Variants in DAP3 observed in about 807,000 individuals in gnomAD.
DAP3 encodes the protein small ribosomal subunit protein mS29.
Under a neutral mutation model 51.9 loss-of-function variants are expected in DAP3, and 28 were observed. That is an observed-to-expected ratio of 0.54 (90% confidence interval 0.40 to 0.74). DAP3 has a LOEUF of 0.74. Among genes scored for constraint, DAP3 ranks in the 30% least tolerant of loss-of-function variants. The probability of loss-of-function intolerance (pLI) is 0.00; values close to 1 mark genes in which losing one functional copy is unlikely to be tolerated. For synonymous variants in DAP3, 170 were observed against 170.3 expected (o/e 1.00, Z 0.01); for missense variants, 458 against 483.5 (o/e 0.95, Z 0.49).
chr1:155,707,210 G>A (rs1424479579), intron 1 of DAP3, among the ~76,000 whole-genome samples: 2 of 152,166 alleles, frequency 1.3e-5, no homozygotes, highest in East Asian at 1.9e-4. Context: ...TCAGGAGATC[G>A]AGACCATCCT....
intron 12 of DAP3, among the ~76,000 whole-genome samples, chr1:155,737,642 G>A (rs1362381799): frequency 1.3e-5 from 2 of 152,006 alleles, no homozygotes; most frequent in African/African-American, 2.4e-5. Flanking sequence ...AATAGTAATC[G>A]GAGGCCTGGT....
At chr1:155,732,540 CTTT>C (rs976800307) in intron 11 of DAP3, among the ~76,000 whole-genome samples, 1 of 152,026 alleles carries the variant, frequency 6.6e-6, no homozygotes, top group Non-Finnish European at 1.5e-5. Context: ...CTTGATGCTT[CTTT>C]GTCTCCAAAT....
At chr1:155,701,734 A>G (rs1406777689) in intron 1 of DAP3, among the ~76,000 whole-genome samples, 1 of 151,740 alleles carries the variant, frequency 6.6e-6, no homozygotes, top group Non-Finnish European at 1.5e-5. Context: ...GACAGGGCTC[A>G]GGGCAAGGGG....
intron 1 of DAP3, among the ~76,000 whole-genome samples, chr1:155,705,530 G>A (rs1199768954): frequency 6.7e-6 from 1 of 148,708 alleles, no homozygotes; most frequent in Non-Finnish European, 1.5e-5. Context: ...TTGAACCCAA[G>A]AGTTTGAGGC....
chr1:155,731,612 C>A (rs986283288), intron 10 of DAP3, 197 bp downstream of exon 10: 3 of 581,736 alleles, frequency 5.2e-6, no homozygotes, highest in East Asian at 6.2e-5. Flanking sequence ...GGTTTATAAT[C>A]TTTCCAAAGT....
At chr1:155,728,854 T>A (rs7546258) in intron 7 of DAP3, among the ~76,000 whole-genome samples, 188 bp from the exon 8 acceptor site, 42,630 of 141,064 alleles carry the variant, frequency 0.3, 6,719 homozygotes, top group East Asian at 0.69. Flanking sequence ...AGAAAGAAGC[T>A]GTCTCAAAAA....
intron 1 of DAP3, among the ~76,000 whole-genome samples, chr1:155,708,124 T>G (rs1207128447): frequency 1.3e-5 from 2 of 152,362 alleles, no homozygotes; most frequent in Admixed American, 6.5e-5. Context: ...CTCGGCTCAC[T>G]GCAACCTCTG....
At chr1:155,718,628 G>A (rs1459900087) in intron 3 of DAP3, among the ~76,000 whole-genome samples, 3 of 151,680 alleles carry the variant, frequency 2.0e-5, no homozygotes, top group African/African-American at 7.3e-5. Flanking sequence ...GGAGCTTGCA[G>A]TGAGCTGAGA....
At chr1:155,726,780 G>C (rs1373815957) in intron 6 of DAP3, 1 of 123,570 alleles carries the variant, frequency 8.1e-6, no homozygotes, top group Non-Finnish European at 1.6e-5. Flanking sequence ...GCAAGACCCT[G>C]TCTCAAAAAA....
chr1:155,688,744 A>T, upstream of DAP3: 1 of 1,489,244 alleles, frequency 6.7e-7, no homozygotes, highest in Non-Finnish European at 8.9e-7. Flanking sequence ...AACCGCCGCC[A>T]AAGCAGCCGC....
intron 4 of DAP3, 125 bp downstream of exon 4, chr1:155,721,743 G>T (rs1020300128): frequency 3.4e-6 from 3 of 872,734 alleles, no homozygotes; most frequent in African/African-American, 1.7e-5. Context: ...AGAAATTCAT[G>T]TGTTGATTAC....
At chr1:155,688,953 G>C, upstream of DAP3, 1 of 1,611,270 alleles carries the variant, frequency 6.2e-7, no homozygotes, top group Non-Finnish European at 8.5e-7. Context: ...TCGCCGCGGC[G>C]CTGCGGCTCG....
chr1:155,706,274 G>A (rs901342315), intron 1 of DAP3, among the ~76,000 whole-genome samples: 13 of 152,126 alleles, frequency 8.5e-5, no homozygotes, highest in Non-Finnish European at 1.9e-4. Context: ...CCAAAGGGCC[G>A]ATATTACAGG....
chr1:155,727,428 T>G, intron 6 of DAP3, 180 bp from the exon 7 acceptor site: 1 of 495,310 alleles, frequency 2.0e-6, no homozygotes. Flanking sequence ...TGTGATCACA[T>G]CCTGCCTTCT....
chr1:155,729,518 G>A (rs553607252), intron 9 of DAP3, 152 bp downstream of exon 9: 290 of 1,104,336 alleles, frequency 2.6e-4, no homozygotes, highest in South Asian at 4.7e-4. Context: ...AGTGGCTCAC[G>A]CCTGTAATCC....
Position 155,736,984 on chromosome 1 carries a change from G to A in DAP3, c.1032G>A (p.Leu344=). The change falls in exon 12 of 13, where the codon CTG becomes CTA. Residue 344 remains leucine, a synonymous_variant. Transcript: ENST00000368336. ...CCCTGGATCCCTTTATTCCCATCCT[G>A]GTTTCCAACTATAACCCAAAGGAAT... ...FDALDPFIPI[L]VSNYNPKEFE... is the part of the protein sequence containing the mutation. The A allele has an allele frequency of 6.2e-7, 1 of 1,613,942 alleles. No individual in the cohort carries two copies. The highest frequency in any genetic ancestry group is 8.5e-7 in the Non-Finnish European group (1 of 1,179,970).
chr1:155,725,374 T>G lies in DAP3; in HGVS notation c.271-8T>G, dbSNP rs758501463. On this transcript the variant is annotated splice_polypyrimidine_tract_variant and splice_region_variant and intron_variant, in intron 4 of 12. Coordinates refer to ENST00000368336, the MANE Select transcript of DAP3 (RefSeq NM_004632.4). The stretch of plus-strand genomic sequence containing the variant: ...CACCCACTCTTTCCTTCTTTCCTAC[T>G]TTATCAGGTGAAGACATTCAGTGAA... 2.5e-6 allele frequency: 4 copies of G among 1,605,842 alleles called. No individual in the cohort carries two copies. Among genetic ancestry groups the G allele is most frequent in the Non-Finnish European group, 3.4e-6 (4 of 1,172,794 alleles).
At chr1:155,695,043 T>C (rs1233468943) in intron 1 of DAP3, among the ~76,000 whole-genome samples, 3 of 152,236 alleles carry the variant, frequency 2.0e-5, no homozygotes, top group South Asian at 4.1e-4. Context: ...TTGAGAATTA[T>C]AGGGGATAAC....
intron 3 of DAP3, among the ~76,000 whole-genome samples, chr1:155,720,655 AAAACAAAAC>A (rs1300286608): frequency 6.6e-6 from 1 of 152,004 alleles, no homozygotes; most frequent in Non-Finnish European, 1.5e-5. Context: ...TCTCAAAAAA[AAAACAAAAC>A]AAACAAACCA....
Sources: gnomAD v4.1 joint callset for allele counts (sites outside exome capture counted in the v4.1 genomes callset) on GRCh38, gnomAD v4.1.1 for gene constraint, MANE v1.5 for transcripts, NCBI Gene and HGNC (gene_info 2026-07-23, HGNC 2026-07-21) for gene names.